COL19A1: variants seen among roughly 807,000 people sequenced by gnomAD.
COL19A1 encodes collagen alpha-1(XIX) chain.
COL19A1 carries 159 observed loss-of-function variants against 190.2 expected under a neutral mutation model. The ratio of observed to expected loss-of-function variants is 0.84; its 90% CI spans 0.73 to 0.95. COL19A1 has a LOEUF of 0.95. Ranked by LOEUF, COL19A1 falls within the 40% of genes least tolerant of loss-of-function variation. The pLI, the probability that COL19A1 is intolerant of heterozygous loss-of-function variation, is 0.00. For missense variants in COL19A1, 1,418 were observed against 1,431.9 expected (o/e 0.99, Z 0.16); for synonymous variants, 509 against 458.9 (o/e 1.11, Z -1.39).
At chr6:70,100,001 G>A (rs1279828900) in intron 15 of COL19A1, among the ~76,000 whole-genome samples, 6 of 152,160 alleles carry the variant, frequency 3.9e-5, no homozygotes, top group Non-Finnish European at 8.8e-5. Context: ...CCAATGTTAT[G>A]TTACAATATC....
intron 14 of COL19A1, among the ~76,000 whole-genome samples, chr6:70,067,153 C>T (rs1358166021): frequency 1.3e-5 from 2 of 152,100 alleles, no homozygotes; most frequent in East Asian, 1.9e-4. Context: ...GCATTGTCTC[C>T]AAGTGGTACA....
intron 2 of COL19A1, among the ~76,000 whole-genome samples, chr6:69,895,412 C>T (rs552992944): frequency 1.3e-5 from 2 of 152,308 alleles, no homozygotes; most frequent in African/African-American, 4.8e-5. Context: ...AGGACTTTTC[C>T]TTAGTGCAGC....
At chr6:70,090,942 T>C (rs1782886753) in intron 15 of COL19A1, among the ~76,000 whole-genome samples, 1 of 152,200 alleles carries the variant, frequency 6.6e-6, no homozygotes, top group South Asian at 2.1e-4. Flanking sequence ...TTTCCCTGGA[T>C]GCACCTGGAT....
At chr6:70,061,547 G>GTTTAAT (rs1780829817) in intron 14 of COL19A1, among the ~76,000 whole-genome samples, 1 of 151,934 alleles carries the variant, frequency 6.6e-6, no homozygotes, top group African/African-American at 2.4e-5. Context: ...TATTTTTTGC[G>GTTTAAT]TTTGTTAAAT....
intron 19 of COL19A1, among the ~76,000 whole-genome samples, chr6:70,140,238 C>T (rs1786157241): frequency 6.6e-6 from 1 of 151,922 alleles, no homozygotes; most frequent in Admixed American, 6.6e-5. Context: ...ATTTGCATAT[C>T]ACCTATGCAT....
At chr6:69,986,597 C>T (rs1030317923) in intron 11 of COL19A1, among the ~76,000 whole-genome samples, 1 of 152,128 alleles carries the variant, frequency 6.6e-6, no homozygotes, top group Non-Finnish European at 1.5e-5. Context: ...AATGTGCAAA[C>T]CTATACACAT....
At chr6:70,035,812 C>G (rs1779321859) in intron 13 of COL19A1, 92 bp from the exon 14 acceptor site, 1 of 971,944 alleles carries the variant, frequency 1.0e-6, no homozygotes, top group African/African-American at 1.7e-5. Flanking sequence ...CAAGATTTAT[C>G]TCTATATATT....
intron 15 of COL19A1, among the ~76,000 whole-genome samples, chr6:70,071,034 C>T (rs1378370943): frequency 6.6e-6 from 1 of 152,032 alleles, no homozygotes; most frequent in Non-Finnish European, 1.5e-5. Context: ...GACATAATGA[C>T]TTTAATTAAA....
At chr6:70,185,531 T>G (rs1766455870) in intron 46 of COL19A1, among the ~76,000 whole-genome samples, 1 of 152,206 alleles carries the variant, frequency 6.6e-6, no homozygotes, top group Admixed American at 6.5e-5. Flanking sequence ...GTGAAGTTAC[T>G]AGTAATGCCA....
At chr6:70,071,327 T>C (rs1220082581) in intron 15 of COL19A1, among the ~76,000 whole-genome samples, 1 of 152,156 alleles carries the variant, frequency 6.6e-6, no homozygotes, top group South Asian at 2.1e-4. Context: ...TTTTTGCAAG[T>C]ACCACGCCAA....
At chr6:69,985,928 C>T (rs1258528079) in intron 11 of COL19A1, among the ~76,000 whole-genome samples, 1 of 151,806 alleles carries the variant, frequency 6.6e-6, no homozygotes. Context: ...TCTAGTGGGC[C>T]CATTAGGGTC....
At chr6:70,157,196 C>T (rs2150253806) in intron 34 of COL19A1, among the ~76,000 whole-genome samples, 1 of 152,144 alleles carries the variant, frequency 6.6e-6, no homozygotes, top group Admixed American at 6.5e-5. Context: ...TGTCTTTGCT[C>T]AGCTTTCAAA....
chr6:69,934,374 T>A (rs1772970230), intron 7 of COL19A1, among the ~76,000 whole-genome samples: 1 of 152,004 alleles, frequency 6.6e-6, no homozygotes, highest in Non-Finnish European at 1.5e-5. Flanking sequence ...ATTTTGTTTT[T>A]AATTATGCTT....
In COL19A1 at chr6:70,137,743, A is replaced by T. The variant is rs138228165; in HGVS notation, c.1442A>T (p.Glu481Val). ...GSVGPKGQKG[E>V]PGEPFTKGEK... ...GTTGGCCCTAAAGGACAAAAAGGAGAACCTGTAAGTATTTTAGCTTTGAGG... is the reference window on the plus strand; with the variant it reads ...GTTGGCCCTAAAGGACAAAAAGGAGTACCTGTAAGTATTTTAGCTTTGAGG... The change falls in exon 19 of 51, where the codon GAA becomes GTA. Residue 481 changes from glutamate to valine, a missense_variant. Glu to Val is a moderately radical substitution (Grantham distance 121). Transcript: ENST00000620364. The T allele has an allele frequency of 1.6e-4, 254 of 1,613,032 alleles. No homozygotes were observed. The highest frequency in any genetic ancestry group is 2.1e-4 in the Non-Finnish European group (243 of 1,179,324).
intron 9 of COL19A1, among the ~76,000 whole-genome samples, chr6:69,957,715 C>CA (rs1774507238): frequency 6.6e-6 from 1 of 152,074 alleles, no homozygotes; most frequent in Non-Finnish European, 1.5e-5. Context: ...GGAGAGGCAG[C>CA]AGGAGTTCAG....
chr6:70,168,077 T>C lies in COL19A1; in HGVS notation c.2496+2T>C, dbSNP rs768504849. ...ATGAGCAGTTTATATAAAATTAAGG[T>C]ATTTATATTTGTAATTATTTAAAAT... On this transcript the variant is annotated splice_donor_variant, in intron 38 of 50. Transcript: ENST00000620364. LOFTEE classifies it high-confidence loss of function. 20 of 1,583,214 alleles carry C rather than the reference T, an allele frequency of 1.3e-5. No homozygotes were observed. In the East Asian group the frequency reaches 4.1e-4, roughly 32 times the overall value.
intron 2 of COL19A1, among the ~76,000 whole-genome samples, chr6:69,894,699 C>T (rs1241391036): frequency 6.6e-6 from 1 of 152,146 alleles, no homozygotes; most frequent in African/African-American, 2.4e-5. Context: ...GAAACTTATT[C>T]CCTAAGGCAG....
At chr6:70,095,223 C>G (rs1215318417) in intron 15 of COL19A1, among the ~76,000 whole-genome samples, 1 of 152,134 alleles carries the variant, frequency 6.6e-6, no homozygotes, top group African/African-American at 2.4e-5. Flanking sequence ...TCATTGCTAT[C>G]AAATATATAC....
At chr6:70,121,279 C>T (rs2150211249) in intron 16 of COL19A1, among the ~76,000 whole-genome samples, 1 of 152,214 alleles carries the variant, frequency 6.6e-6, no homozygotes, top group South Asian at 2.1e-4. Context: ...TGCTTCTTTC[C>T]TATCCACTCC....
Sources: allele counts gnomAD v4.1 joint callset (sites outside exome capture counted in the v4.1 genomes callset), GRCh38; gene constraint gnomAD v4.1.1; transcripts MANE v1.5; gene names NCBI Gene and HGNC (gene_info 2026-07-23, HGNC 2026-07-21).